Variants in CACNA1A observed in about 807,000 individuals in gnomAD.
CACNA1A encodes calcium voltage-gated channel subunit alpha1 A, also known as voltage-dependent P/Q-type calcium channel subunit alpha-1A.
In CACNA1A, 57 loss-of-function variants were observed where a neutral mutation model predicts 262.4. The ratio of observed to expected loss-of-function variants is 0.22; its 90% confidence interval spans 0.18 to 0.27. CACNA1A has a LOEUF of 0.27. Ranked by LOEUF, CACNA1A falls within the 10% of genes least tolerant of loss-of-function variation. CACNA1A has a pLI of 1.00. For synonymous variants in CACNA1A, 1,431 were observed against 1,419.3 expected, an observed-to-expected ratio of 1.01 and a Z score of -0.18; for missense variants, 2,526 against 3,562.8, an observed-to-expected ratio of 0.71 and a Z score of 7.41.
intron 6 of CACNA1A, among the ~76,000 whole-genome samples, chr19:13,355,155 C>T (rs973015929): frequency 1.3e-5 from 2 of 152,072 alleles, no homozygotes; most frequent in Admixed American, 6.6e-5. Flanking sequence ...GGATTACAGG[C>T]GTGAGCCACT....
intron 46 of CACNA1A, 139 bp from the exon 47 acceptor site, chr19:13,208,192 AG>A (rs2054646555): frequency 1.1e-5 from 1 of 94,990 alleles, no homozygotes; most frequent in East Asian, 4.7e-4. Flanking sequence ...GAGGAGGAGG[AG>A]GAGGAGGAGA....
In CACNA1A at chr19:13,214,389, C is replaced by T. The variant is rs1216092532; in HGVS notation, c.5840-56G>A. ...GGGCAGGCCTCTTTGGGGCCCTTGT[C>T]CTGGGTCCCTGTGTATACCAGCCCA... is the stretch of plus-strand genomic sequence containing the variant. On this transcript the variant is annotated intron_variant, in intron 39 of 46. Coordinates refer to ENST00000360228, the MANE Select transcript of CACNA1A (RefSeq NM_001127222.2). The surrounding 1 kb of genome is among the most constrained non-coding windows in gnomAD (Gnocchi z 4.1). The T allele has an allele frequency of 2.5e-6, 4 of 1,580,140 alleles. No homozygotes were observed. The highest frequency in any genetic ancestry group is 2.6e-6 in the Non-Finnish European group (3 of 1,153,156).
At chr19:13,329,388 G>A (rs1210785719) in intron 10 of CACNA1A, among the ~76,000 whole-genome samples, 1 of 151,936 alleles carries the variant, frequency 6.6e-6, no homozygotes, top group African/African-American at 2.4e-5. Context: ...TCCCTGAAGT[G>A]CCATTACCAT....
chr19:13,343,967 T>C (rs1050358369), intron 6 of CACNA1A, among the ~76,000 whole-genome samples: 6 of 152,106 alleles, frequency 3.9e-5, no homozygotes, highest in South Asian at 2.1e-4. Flanking sequence ...TCCCAGCACT[T>C]TGGGGGGCTA....
At chr19:13,340,026 C>T (rs944517963) in intron 6 of CACNA1A, among the ~76,000 whole-genome samples, 1 of 152,142 alleles carries the variant, frequency 6.6e-6, no homozygotes, top group African/African-American at 2.4e-5. Flanking sequence ...GGTTCTCGTT[C>T]CCATTTCTCA....
At chr19:13,243,434 G>A (rs893000627) in intron 31 of CACNA1A, among the ~76,000 whole-genome samples, 9 of 152,182 alleles carry the variant, frequency 5.9e-5, no homozygotes, top group Admixed American at 1.3e-4. Flanking sequence ...ATCCTTTTCT[G>A]TAGGGGGATC....
chr19:13,396,600 G>A (rs2144675376), intron 3 of CACNA1A, among the ~76,000 whole-genome samples: 1 of 152,332 alleles, frequency 6.6e-6, no homozygotes, highest in South Asian at 2.1e-4. Flanking sequence ...TTTAATGAAT[G>A]TACATTTATA....
chr19:13,282,096 G>A (rs1351218491), intron 22 of CACNA1A, among the ~76,000 whole-genome samples: 1 of 152,216 alleles, frequency 6.6e-6, no homozygotes, highest in Non-Finnish European at 1.5e-5. Flanking sequence ...CTGAGCACTG[G>A]CTCTAGCTTC....
intron 2 of CACNA1A, among the ~76,000 whole-genome samples, chr19:13,453,771 G>A (rs1423691821): frequency 1.3e-5 from 2 of 151,954 alleles, no homozygotes; most frequent in African/African-American, 2.4e-5. Flanking sequence ...TTACAGCAAC[G>A]TTTCTCGAGC....
At chr19:13,251,293 C>A (rs1049115562) in intron 30 of CACNA1A, among the ~76,000 whole-genome samples, 1 of 151,998 alleles carries the variant, frequency 6.6e-6, no homozygotes, top group Non-Finnish European at 1.5e-5. Flanking sequence ...ACCATCCTGG[C>A]CAACATGGTG....
Position 13,214,768 on chromosome 19 carries a change from G to A in CACNA1A, c.5732-160C>T, listed in dbSNP as rs2054937355. 3 of 630,334 alleles carry A rather than the reference G, an allele frequency of 4.8e-6. No homozygotes were observed. The highest frequency in any genetic ancestry group is 1.8e-5 in the African/African-American group (1 of 54,662). The allele number at this position is 630,334 out of a possible 1,614,324, so 39.0% of individuals were successfully genotyped here. ...CGGCCTGGCCCAGAGGAGGCCCTGG[G>A]CAGTGCTGCTGGAATGACCTTGTGG... On this transcript the variant is annotated intron_variant, in intron 38 of 46. Transcript: ENST00000360228. The surrounding 1 kb of genome is among the most constrained non-coding windows in gnomAD (Gnocchi z 4.1).
intron 3 of CACNA1A, among the ~76,000 whole-genome samples, chr19:13,431,873 GAGGC>G (rs2060510834): frequency 6.6e-6 from 1 of 152,116 alleles, no homozygotes; most frequent in East Asian, 1.9e-4. Context: ...TTGGAAGCCC[GAGGC>G]AGGCAGATCA....
At chr19:13,253,362 GC>G (rs1434548651) in intron 29 of CACNA1A, among the ~76,000 whole-genome samples, 1 of 150,144 alleles carries the variant, frequency 6.7e-6, no homozygotes, top group Non-Finnish European at 1.5e-5. Flanking sequence ...TTTTGCCCAG[GC>G]TGGGCTTGAA....
chr19:13,483,943 A>G (rs1228610223), intron 1 of CACNA1A, among the ~76,000 whole-genome samples: 1 of 152,192 alleles, frequency 6.6e-6, no homozygotes, highest in Non-Finnish European at 1.5e-5. Flanking sequence ...TTTTTACTTT[A>G]ATTCCCATTT....
At chr19:13,307,996 CA>C in intron 14 of CACNA1A, 123 bp downstream of exon 14, 14 of 1,420,432 alleles carry the variant, frequency 9.9e-6, no homozygotes, top group Non-Finnish European at 1.3e-5. Flanking sequence ...GGGCCCTGCC[CA>C]TTTGGGTGAC....
intron 1 of CACNA1A, among the ~76,000 whole-genome samples, chr19:13,501,197 A>T (rs970770625): frequency 4.7e-5 from 7 of 149,216 alleles, no homozygotes; most frequent in South Asian, 2.1e-4. Context: ...CAATAAATCT[A>T]TTTTTTTTTT....
At chr19:13,434,359 G>C (rs2060573195) in intron 3 of CACNA1A, among the ~76,000 whole-genome samples, 1 of 152,146 alleles carries the variant, frequency 6.6e-6, no homozygotes, top group Non-Finnish European at 1.5e-5. Flanking sequence ...GAGCCCCTGA[G>C]ATATTAGGTT....
intron 3 of CACNA1A, among the ~76,000 whole-genome samples, chr19:13,437,788 G>T (rs1240000219): frequency 6.6e-6 from 1 of 151,612 alleles, no homozygotes; most frequent in Non-Finnish European, 1.5e-5. Context: ...CCTGGCCTCT[G>T]CCCCCACCTG....
Position 13,308,343 on chromosome 19 carries a change from T to A in CACNA1A, c.1781+73A>T. On this transcript the variant is annotated intron_variant, in intron 13 of 46. Coordinates refer to ENST00000360228, the MANE Select transcript of CACNA1A (RefSeq NM_001127222.2). This position sits in a 1 kb window ranked among gnomAD's most constrained non-coding sequence, Gnocchi z 4.2. ...GAAACACGAGGCTCACTTTCCCAACTTTCTGGAGGCGGCCCCACCATGTCC... is the reference window on the plus strand; with the variant it reads ...GAAACACGAGGCTCACTTTCCCAACATTCTGGAGGCGGCCCCACCATGTCC... 1 of 1,553,302 alleles carries A rather than the reference T, an allele frequency of 6.4e-7. No homozygotes were observed. Among genetic ancestry groups the A allele is most frequent in the South Asian group, 1.2e-5 (1 of 84,240 alleles).
Sources: gnomAD v4.1 joint callset for allele counts (sites outside exome capture counted in the v4.1 genomes callset) on GRCh38, gnomAD v4.1.1 for gene constraint, Gnocchi (gnomAD v3.1) non-coding constraint, MANE v1.5 for transcripts, NCBI Gene and HGNC (gene_info 2026-07-23, HGNC 2026-07-21) for gene names.